LAMP3: variants seen among roughly 807,000 people sequenced by gnomAD.
The protein encoded by LAMP3 is lysosome-associated membrane glycoprotein 3.
A neutral mutation model predicts 34.8 loss-of-function variants in LAMP3; 26 were observed. The ratio of observed to expected loss-of-function variants is 0.75; its 90% CI spans 0.55 to 1.04. LAMP3 has a LOEUF of 1.04. LAMP3 is among the 50% of genes least tolerant of loss of function. The pLI is 0.00. For missense variants in LAMP3, 495 were observed against 524.0 expected (o/e 0.94, Z 0.54); for synonymous variants, 180 against 201.9 (o/e 0.89, Z 0.92).
At chr3:183,161,402 A>AT (rs35147786) in intron 1 of LAMP3, among the ~76,000 whole-genome samples, 12,265 of 151,370 alleles carry the variant, frequency 0.081, 532 homozygotes, top group Middle Eastern at 0.13. Flanking sequence ...TTATTTATTT[A>AT]TTTTTTTTGA....
chr3:183,132,792 T>C, intron 5 of LAMP3: 4 of 985,470 alleles, frequency 4.1e-6, no homozygotes, highest in Non-Finnish European at 4.8e-6. Flanking sequence ...ACCTTAACTT[T>C]GCACATTTTG....
intron 1 of LAMP3, 35 bp downstream of exon 1, chr3:183,162,572 C>A (rs1408416958): frequency 6.5e-7 from 1 of 1,545,544 alleles, no homozygotes; most frequent in South Asian, 1.2e-5. Flanking sequence ...ACCGACACGT[C>A]AGGGCCACCG....
intron 3 of LAMP3, among the ~76,000 whole-genome samples, chr3:183,149,202 A>G (rs1720535568): frequency 1.3e-5 from 2 of 151,086 alleles, no homozygotes; most frequent in African/African-American, 2.4e-5. Flanking sequence ...GGAAAGGGTA[A>G]TGGGTGGGGT....
intron 5 of LAMP3, chr3:183,131,967 T>C: frequency 1.0e-6 from 1 of 985,380 alleles, no homozygotes; most frequent in Middle Eastern, 5.2e-4. Flanking sequence ...GGGAAGTGAG[T>C]GATCCTCCAG....
intron 3 of LAMP3, among the ~76,000 whole-genome samples, chr3:183,145,630 C>T (rs1177104530): frequency 3.3e-5 from 5 of 152,028 alleles, no homozygotes; most frequent in African/African-American, 9.7e-5. Flanking sequence ...CGAGGTTGGG[C>T]GGATCAGCTG....
intron 1 of LAMP3, among the ~76,000 whole-genome samples, chr3:183,159,872 T>C (rs536620131): frequency 5.3e-5 from 8 of 152,354 alleles, no homozygotes; most frequent in African/African-American, 1.9e-4. Flanking sequence ...CTCAATCACC[T>C]GTGTGGACTG....
In LAMP3 at chr3:183,123,845, T is replaced by C. The variant is rs994014209; in HGVS notation, c.*236A>G. 2.9e-5 allele frequency: 14 copies of C among 475,800 alleles called. No homozygotes were observed. Among genetic ancestry groups the C allele is most frequent in the Non-Finnish European group, 5.2e-5 (14 of 268,138 alleles). The allele number at this position is 475,800 out of a possible 1,614,324, so 29.5% of individuals were successfully genotyped here. ...TTGACTTTGAGTGGCTAAAATATTC[T>C]AAAGGAAACTAGAAAATAAACAGCT... On this transcript the variant is annotated 3_prime_UTR_variant, in exon 6 of 6. Coordinates refer to ENST00000265598, the MANE Select transcript of LAMP3 (RefSeq NM_014398.4).
intron 3 of LAMP3, among the ~76,000 whole-genome samples, chr3:183,146,776 C>G (rs1459921377): frequency 6.6e-6 from 1 of 151,908 alleles, no homozygotes; most frequent in Non-Finnish European, 1.5e-5. Context: ...GATCCACCCA[C>G]CTCGGCCTCC....
chr3:183,134,138 C>G (rs939692356), intron 5 of LAMP3, among the ~76,000 whole-genome samples: 1 of 152,124 alleles, frequency 6.6e-6, no homozygotes, highest in Non-Finnish European at 1.5e-5. Flanking sequence ...ATTTGAAGTG[C>G]AAAGACTAAG....
chr3:183,162,863 C>T, upstream of LAMP3: 1 of 531,428 alleles, frequency 1.9e-6, no homozygotes. Flanking sequence ...GGACTCGGCG[C>T]AGCCGCCGGG....
intron 5 of LAMP3, among the ~76,000 whole-genome samples, chr3:183,133,896 C>T (rs1320202396): frequency 2.6e-5 from 4 of 152,152 alleles, no homozygotes; most frequent in East Asian, 1.9e-4. Flanking sequence ...TCCAGTTCTT[C>T]GATCCCCTGT....
At chr3:183,157,162 C>T (rs949751481) in intron 1 of LAMP3, among the ~76,000 whole-genome samples, 1 of 152,134 alleles carries the variant, frequency 6.6e-6, no homozygotes, top group Non-Finnish European at 1.5e-5. Context: ...GTTCAAATTG[C>T]CTTGATAACC....
intron 3 of LAMP3, among the ~76,000 whole-genome samples, chr3:183,147,964 A>G (rs552635118): frequency 6.6e-6 from 1 of 152,192 alleles, no homozygotes; most frequent in East Asian, 1.9e-4. Flanking sequence ...CAATCATTCC[A>G]CCTTGGCTTC....
intron 5 of LAMP3, chr3:183,132,717 G>A: frequency 2.0e-6 from 2 of 985,424 alleles, no homozygotes; most frequent in Non-Finnish European, 2.4e-6. Context: ...TCAGGAGGGT[G>A]CAACAGGCAA....
intron 3 of LAMP3, among the ~76,000 whole-genome samples, chr3:183,145,135 C>T (rs376261026): frequency 1.3e-5 from 2 of 152,118 alleles, no homozygotes; most frequent in Non-Finnish European, 2.9e-5. Context: ...AACTATCCCA[C>T]CAGGAAGGAT....
At chr3:183,151,297 C>G (rs112042486) in intron 3 of LAMP3, among the ~76,000 whole-genome samples, 1 of 152,194 alleles carries the variant, frequency 6.6e-6, no homozygotes, top group Non-Finnish European at 1.5e-5. Flanking sequence ...CAAGCGGGGG[C>G]AAGTCTCTCC....
At chr3:183,156,490 G>A (rs1404171935) in intron 1 of LAMP3, among the ~76,000 whole-genome samples, 2 of 152,164 alleles carry the variant, frequency 1.3e-5, no homozygotes, top group Admixed American at 6.5e-5. Flanking sequence ...CAGGAGAGCT[G>A]GAGCTGTCCT....
chr3:183,140,360 G>A (rs1343191957), intron 4 of LAMP3, among the ~76,000 whole-genome samples, 178 bp downstream of exon 4: 4 of 136,632 alleles, frequency 2.9e-5, no homozygotes, highest in Admixed American at 2.5e-4. Context: ...GGAGCCGAGC[G>A]AGATCGTGCC....
At chr3:183,153,189 A>AAAC (rs1268971262) in intron 2 of LAMP3, among the ~76,000 whole-genome samples, 1 of 151,520 alleles carries the variant, frequency 6.6e-6, no homozygotes. Flanking sequence ...AAAAAAAAAA[A>AAAC]AAAGAAAGAA....
Sources: allele counts gnomAD v4.1 joint callset (sites outside exome capture counted in the v4.1 genomes callset), GRCh38; gene constraint gnomAD v4.1.1; transcripts MANE v1.5; gene names NCBI Gene and HGNC (gene_info 2026-07-23, HGNC 2026-07-21).